MTMR8: variants seen among roughly 807,000 people sequenced by gnomAD.
MTMR8 encodes myotubularin related protein 8, also known as phosphatidylinositol-3,5-bisphosphate 3-phosphatase MTMR8.
A neutral mutation model predicts 39.3 loss-of-function variants in MTMR8; 65 were observed. The observed-to-expected ratio is 1.65, with a 90% CI of 1.35 to 2.03. The LOEUF (loss-of-function observed/expected upper bound fraction) is 2.03, where lower values mean the gene tolerates loss of function less well. Among genes scored for constraint, MTMR8 ranks in the 30% most tolerant of loss-of-function variants. The pLI is 0.00. For synonymous variants in MTMR8, 245 were observed against 185.2 expected, an observed-to-expected ratio of 1.32 and a Z score of -2.62; for missense variants, 777 against 538.9, an observed-to-expected ratio of 1.44 and a Z score of -4.37.
intron 12 of MTMR8, among the ~76,000 whole-genome samples, chrX:64,309,954 C>T (rs756417862): frequency 8.9e-6 from 1 of 111,809 alleles, no homozygotes; most frequent in African/African-American, 3.2e-5. Flanking sequence ...TGGCTGCTGA[C>T]TGCTCAGGGT....
chrX:64,377,332 C>A (rs938037697), intron 1 of MTMR8, among the ~76,000 whole-genome samples: 1 of 111,397 alleles, frequency 9.0e-6, no homozygotes, highest in African/African-American at 3.3e-5. Context: ...TGGAAAAGAT[C>A]CACCCACAGC....
intron 12 of MTMR8, among the ~76,000 whole-genome samples, chrX:64,308,063 G>T (rs956834043): frequency 2.7e-5 from 3 of 111,236 alleles, no homozygotes; most frequent in African/African-American, 9.8e-5. Context: ...CACCTATGTT[G>T]ATGGGTGCAG....
intron 9 of MTMR8, 100 bp from the exon 10 acceptor site, chrX:64,336,228 C>G: frequency 1.9e-6 from 1 of 538,062 alleles, no homozygotes; most frequent in South Asian, 3.9e-5. Flanking sequence ...AATAGTTGAA[C>G]TGATCATAAA....
chrX:64,337,046 C>T (rs1923094918), intron 9 of MTMR8, among the ~76,000 whole-genome samples: 1 of 111,611 alleles, frequency 9.0e-6, no homozygotes, highest in Admixed American at 9.5e-5. Flanking sequence ...TAGTCTGCTA[C>T]ATATAACTTA....
At chrX:64,274,247 C>A (rs924592987) in intron 12 of MTMR8, among the ~76,000 whole-genome samples, 1 of 112,084 alleles carries the variant, frequency 8.9e-6, no homozygotes, top group East Asian at 2.8e-4. Context: ...TAAAATCATA[C>A]CAAGTATTTT....
intron 1 of MTMR8, among the ~76,000 whole-genome samples, chrX:64,363,292 C>T (rs1364552312): frequency 8.9e-6 from 1 of 112,035 alleles, no homozygotes; most frequent in African/African-American, 3.2e-5. Flanking sequence ...ATATAATGCC[C>T]AATGTTGGTG....
At position 64,269,080 on chromosome X, in the gene MTMR8, A is replaced by G. The variant is rs1022409251; in HGVS notation, c.1609-37T>C. ...GCAAGAAAGGGTTGAGAAGAATTAG[A>G]AACAGGAGAAAAACTAGGCAAACAT... On this transcript the variant is annotated intron_variant, in intron 13 of 13. Coordinates refer to ENST00000374852, the MANE Select transcript of MTMR8 (RefSeq NM_017677.4). 4.3e-6 allele frequency: 5 copies of G among 1,169,292 alleles called. No homozygotes were observed. In the African/African-American group the frequency reaches 7.2e-5, roughly 17 times the overall value.
At chrX:64,330,511 G>A (rs1427480488) in intron 11 of MTMR8, among the ~76,000 whole-genome samples, 1 of 111,891 alleles carries the variant, frequency 8.9e-6, no homozygotes, top group Non-Finnish European at 1.9e-5. Flanking sequence ...TGTGAAATAG[G>A]AGTGAGTTGT....
intron 1 of MTMR8, among the ~76,000 whole-genome samples, chrX:64,378,156 A>G (rs1454230392): frequency 8.9e-6 from 1 of 112,158 alleles, no homozygotes; most frequent in African/African-American, 3.2e-5. Flanking sequence ...AGTTCCTTAC[A>G]GCAATGCAAG....
intron 1 of MTMR8, 62 bp from the exon 2 acceptor site, chrX:64,359,589 G>C (rs1923724072): frequency 9.3e-7 from 1 of 1,073,752 alleles, no homozygotes; most frequent in Non-Finnish European, 1.2e-6. Flanking sequence ...TTGAAGTGGG[G>C]CCATTCAAAG....
At chrX:64,297,903 G>A (rs1345628916) in intron 12 of MTMR8, among the ~76,000 whole-genome samples, 30 of 101,945 alleles carry the variant, frequency 2.9e-4, no homozygotes, top group East Asian at 6.3e-4. Context: ...GGTAGGCGGC[G>A]TTATTTCTGA....
At chrX:64,310,468 T>A (rs1385485167) in intron 12 of MTMR8, among the ~76,000 whole-genome samples, 2 of 112,027 alleles carry the variant, frequency 1.8e-5, no homozygotes, top group Non-Finnish European at 3.8e-5. Context: ...AATGTTGATA[T>A]TCTGACCTCC....
intron 12 of MTMR8, among the ~76,000 whole-genome samples, chrX:64,294,348 A>AT (rs1248988711): frequency 3.6e-5 from 4 of 111,440 alleles, no homozygotes; most frequent in Non-Finnish European, 5.7e-5. Context: ...TGAAGAGTAT[A>AT]TTTTTTCCCA....
intron 12 of MTMR8, among the ~76,000 whole-genome samples, chrX:64,280,576 C>T (rs184148881): frequency 1.8e-5 from 2 of 111,388 alleles, no homozygotes; most frequent in African/African-American, 6.5e-5. Context: ...TTATGACAAA[C>T]CCACAGCCAA....
chrX:64,379,366 C>A (rs1229871124), intron 1 of MTMR8, among the ~76,000 whole-genome samples: 1 of 111,741 alleles, frequency 8.9e-6, no homozygotes, highest in Non-Finnish European at 1.9e-5. Flanking sequence ...AACATAGATG[C>A]AAATATCCTC....
intron 12 of MTMR8, among the ~76,000 whole-genome samples, chrX:64,311,979 C>A (rs1413457520): frequency 9.0e-6 from 1 of 110,964 alleles, no homozygotes; most frequent in East Asian, 2.8e-4. Flanking sequence ...ATTGTCTTGG[C>A]AATGCAGGCT....
intron 10 of MTMR8, among the ~76,000 whole-genome samples, chrX:64,335,838 GA>G (rs1453036482): frequency 1.8e-5 from 2 of 112,014 alleles, no homozygotes; most frequent in East Asian, 5.6e-4. Flanking sequence ...GTTCTTCCTT[GA>G]AATATTTAAC....
At chrX:64,341,752 A>G (rs1923224689) in intron 8 of MTMR8, among the ~76,000 whole-genome samples, 1 of 111,869 alleles carries the variant, frequency 8.9e-6, no homozygotes, top group Admixed American at 9.5e-5. Flanking sequence ...TATTTCCATC[A>G]TCACAAAAAG....
intron 1 of MTMR8, among the ~76,000 whole-genome samples, chrX:64,378,490 G>A (rs948120637): frequency 8.9e-6 from 1 of 112,164 alleles, no homozygotes; most frequent in Admixed American, 9.5e-5. Flanking sequence ...CAAAATGCTA[G>A]GGTCTCAGGC....
Sources: gnomAD v4.1 joint callset for allele counts (sites outside exome capture counted in the v4.1 genomes callset) on GRCh38, gnomAD v4.1.1 for gene constraint, MANE v1.5 for transcripts, NCBI Gene and HGNC (gene_info 2026-07-23, HGNC 2026-07-21) for gene names.